Variants in GNB4 observed in about 807,000 individuals in gnomAD.
The protein encoded by GNB4 is G protein subunit beta 4, also known as guanine nucleotide-binding protein subunit beta-4.
A neutral mutation model predicts 45.2 loss-of-function variants in GNB4; 28 were observed. The observed-to-expected ratio is 0.62, with a 90% CI of 0.46 to 0.85. The LOEUF is 0.85. GNB4 is among the 40% of genes least tolerant of loss of function. GNB4 has a pLI of 0.00. For missense variants in GNB4, 321 were observed against 425.4 expected, an observed-to-expected ratio of 0.75 and a Z score of 2.16; for synonymous variants, 132 against 143.7, an observed-to-expected ratio of 0.92 and a Z score of 0.58.
the GNB4 span, among the ~76,000 whole-genome samples, chr3:179,525,848 T>A: frequency 6.6e-6 from 1 of 152,118 alleles, no homozygotes; most frequent in African/African-American, 2.4e-5. Flanking sequence ...GTTCCTTGGG[T>A]TGTTTGGTCT....
chr3:179,476,223 G>C, the GNB4 span, among the ~76,000 whole-genome samples: 2 of 152,374 alleles, frequency 1.3e-5, 1 homozygote, highest in African/African-American at 4.8e-5. Context: ...AAATGGGCAA[G>C]AAAGGGGTAA....
intron 9 of GNB4, among the ~76,000 whole-genome samples, chr3:179,404,036 C>T (rs749458333): frequency 6.6e-6 from 1 of 151,686 alleles, no homozygotes; most frequent in Non-Finnish European, 1.5e-5. Context: ...GCACAATGAA[C>T]GAAAATGGAT....
the GNB4 span, among the ~76,000 whole-genome samples, chr3:179,488,254 TC>T: frequency 6.6e-6 from 1 of 152,164 alleles, no homozygotes; most frequent in African/African-American, 2.4e-5. Flanking sequence ...CCCTGCTTCA[TC>T]TTTTGACATA....
At chr3:179,501,961 A>G in the GNB4 span, among the ~76,000 whole-genome samples, 480 of 152,000 alleles carry the variant, frequency 3.2e-3, 2 homozygotes, top group African/African-American at 0.011. Flanking sequence ...TTATTATTCT[A>G]TTTTAGGTCT....
chr3:179,481,143 G>A, the GNB4 span, among the ~76,000 whole-genome samples: 4 of 152,080 alleles, frequency 2.6e-5, no homozygotes, highest in Admixed American at 6.6e-5. Context: ...GAGCCACTGC[G>A]CCCGGCCGCA....
chr3:179,501,429 G>T, the GNB4 span, among the ~76,000 whole-genome samples: 1 of 151,054 alleles, frequency 6.6e-6, no homozygotes, highest in Non-Finnish European at 1.5e-5. Flanking sequence ...CTCTTGAGTA[G>T]TTGGGACCAC....
the GNB4 span, among the ~76,000 whole-genome samples, chr3:179,471,561 C>G: frequency 6.6e-6 from 1 of 152,190 alleles, no homozygotes; most frequent in East Asian, 1.9e-4. Flanking sequence ...TACCTTACAG[C>G]CTAGGTTGTA....
chr3:179,438,082 AAAAAG>A (rs1331504101), intron 1 of GNB4, among the ~76,000 whole-genome samples: 8 of 149,972 alleles, frequency 5.3e-5, no homozygotes, highest in African/African-American at 1.5e-4. Flanking sequence ...AAAAAAAAAG[AAAAAG>A]AAAAGGCAGG....
At chr3:179,463,148 C>T in the GNB4 span, among the ~76,000 whole-genome samples, 1 of 152,128 alleles carries the variant, frequency 6.6e-6, no homozygotes, top group African/African-American at 2.4e-5. Flanking sequence ...TCTGTACATT[C>T]GCTGGGTCAG....
the GNB4 span, among the ~76,000 whole-genome samples, chr3:179,485,038 T>G: frequency 1.5e-5 from 2 of 130,896 alleles, no homozygotes; most frequent in African/African-American, 3.1e-5. Context: ...TGAGACGGAG[T>G]CTCGCTGTGT....
chr3:179,434,828 C>T (rs1715402365), intron 1 of GNB4, among the ~76,000 whole-genome samples: 1 of 151,674 alleles, frequency 6.6e-6, no homozygotes, highest in Admixed American at 6.6e-5. Context: ...GAAAGAGGAT[C>T]GCTTGAACCC....
the GNB4 span, among the ~76,000 whole-genome samples, chr3:179,500,877 CTCTG>C: frequency 1.2e-4 from 19 of 152,254 alleles, no homozygotes; most frequent in African/African-American, 3.9e-4. Context: ...TGATTTGGCT[CTCTG>C]TCTGTTATTG....
chr3:179,445,969 CT>C (rs1715710772), intron 1 of GNB4, among the ~76,000 whole-genome samples: 2 of 152,140 alleles, frequency 1.3e-5, no homozygotes, highest in Admixed American at 1.3e-4. Context: ...CTAAGAGAAA[CT>C]TTATATTATT....
At chr3:179,422,874 GC>G (rs1560217173) in intron 2 of GNB4, among the ~76,000 whole-genome samples, 1 of 152,072 alleles carries the variant, frequency 6.6e-6, no homozygotes, top group African/African-American at 2.4e-5. Context: ...CTCACTGCAA[GC>G]TCTGCCTCTC....
At chr3:179,508,890 A>G in the GNB4 span, among the ~76,000 whole-genome samples, 1 of 143,662 alleles carries the variant, frequency 7.0e-6, no homozygotes, top group Non-Finnish European at 1.5e-5. Context: ...AGCAATAACT[A>G]TGTTAATATT....
the GNB4 span, chr3:179,464,196 C>T: frequency 2.8e-6 from 1 of 361,744 alleles, no homozygotes; most frequent in South Asian, 3.0e-5. Flanking sequence ...CAGTGGCTCA[C>T]ATCTATAATC....
chr3:179,459,709 GAAA>G, the GNB4 span, among the ~76,000 whole-genome samples: 1 of 146,058 alleles, frequency 6.8e-6, no homozygotes, highest in Non-Finnish European at 1.5e-5. Context: ...AAAAAAGCAA[GAAA>G]AAAAAAAGAA....
Position 179,398,780 on chromosome 3 carries a change from T to C in GNB4, c.*2433A>G, listed in dbSNP as rs1039820733. Reference sequence around the variant, plus strand: ...CAAAGGTGTAACCATGAAGTAATTGTGGTAGTGAGGCTACTCTGTCGCCAT... The same window carrying C: ...CAAAGGTGTAACCATGAAGTAATTGCGGTAGTGAGGCTACTCTGTCGCCAT... On this transcript the variant is annotated 3_prime_UTR_variant, in exon 10 of 10. Transcript: ENST00000232564. 6.6e-6 allele frequency: 1 copy of C among 152,184 alleles called. No homozygotes were observed. The highest frequency in any genetic ancestry group is 6.5e-5 in the Admixed American group (1 of 15,276). The allele number at this position is 152,184 out of a possible 1,614,324, so 9.4% of individuals were successfully genotyped here. A position where few individuals can be genotyped will look rare whatever the true frequency, so the allele number is the denominator to read the frequency against.
At chr3:179,490,307 T>C in the GNB4 span, among the ~76,000 whole-genome samples, 1 of 152,188 alleles carries the variant, frequency 6.6e-6, no homozygotes, top group Non-Finnish European at 1.5e-5. Flanking sequence ...AGGTCAATTG[T>C]CTGTTCAAAC....
Sources: gnomAD v4.1 joint callset for allele counts (sites outside exome capture counted in the v4.1 genomes callset) on GRCh38, gnomAD v4.1.1 for gene constraint, MANE v1.5 for transcripts, NCBI Gene and HGNC (gene_info 2026-07-23, HGNC 2026-07-21) for gene names.